FAT4: variants seen among roughly 807,000 people sequenced by gnomAD.
The protein encoded by FAT4 is protocadherin Fat 4.
FAT4 carries 84 observed loss-of-function variants against 303.9 expected under a neutral mutation model. The observed-to-expected ratio is 0.28, with a 90% confidence interval of 0.23 to 0.33. The LOEUF (loss-of-function observed/expected upper bound fraction) is 0.33, where lower values mean the gene tolerates loss of function less well. FAT4 is among the 10% of genes least tolerant of loss of function. FAT4 has a pLI of 1.00. For missense variants in FAT4, 6,005 were observed against 6,146.8 expected, an observed-to-expected ratio of 0.98 and a Z score of 0.77; for synonymous variants, 2,307 against 2,298.8, an observed-to-expected ratio of 1.00 and a Z score of -0.10.
intron 2 of FAT4, among the ~76,000 whole-genome samples, chr4:125,373,844 T>A (rs2125993525): frequency 6.6e-6 from 1 of 152,272 alleles, no homozygotes; most frequent in East Asian, 1.9e-4. Flanking sequence ...CCTTTAAAAA[T>A]TAATTGAGGG....
chr4:125,428,792 T>G (rs1725185677), intron 7 of FAT4, among the ~76,000 whole-genome samples: 1 of 152,218 alleles, frequency 6.6e-6, no homozygotes, highest in Non-Finnish European at 1.5e-5. Flanking sequence ...TTCTGACTTC[T>G]AATTCAAATA....
intron 7 of FAT4, among the ~76,000 whole-genome samples, chr4:125,419,727 C>T (rs563877148): frequency 5.7e-4 from 87 of 152,274 alleles, no homozygotes; most frequent in Non-Finnish European, 1.0e-3. Flanking sequence ...GAGCCAGAGT[C>T]GTGCACTGGC....
rs1002097320 is a variant in FAT4 at position 125,455,385 on chromosome 4, G to A, written c.11800+2575G>A. ...ATATACATTGCATACTTTTCTAAACGTGATAGTTGAAACTCTTAAAAATGC... is the reference window on the plus strand; with the variant it reads ...ATATACATTGCATACTTTTCTAAACATGATAGTTGAAACTCTTAAAAATGC... On this transcript the variant is annotated intron_variant, in intron 10 of 17. Transcript: ENST00000394329. 2.0e-5 allele frequency among the ~76,000 whole-genome samples: 3 copies of A among 151,986 alleles called. No individual in the cohort carries two copies. The East Asian group carries it at 5.8e-4, about 29-fold the overall frequency.
At chr4:125,454,865 CT>C (rs1726223841) in intron 10 of FAT4, among the ~76,000 whole-genome samples, 1 of 152,118 alleles carries the variant, frequency 6.6e-6, no homozygotes, top group South Asian at 2.1e-4. Flanking sequence ...ACGTGGTACA[CT>C]GTGCAGTATT....
chr4:125,396,192 T>G (rs1486164871), intron 2 of FAT4, among the ~76,000 whole-genome samples: 1 of 152,124 alleles, frequency 6.6e-6, no homozygotes, highest in Admixed American at 6.6e-5. Context: ...CACTGGACTT[T>G]CATTAACTCA....
At chr4:125,401,602 C>G (rs935095368) in intron 3 of FAT4, among the ~76,000 whole-genome samples, 9 of 151,852 alleles carry the variant, frequency 5.9e-5, no homozygotes, top group Non-Finnish European at 7.4e-5. Context: ...CACTGTAGAA[C>G]AAAGCCTGGG....
intron 16 of FAT4, 114 bp downstream of exon 16, chr4:125,481,852 C>G: frequency 2.4e-6 from 2 of 842,976 alleles, no homozygotes; most frequent in Non-Finnish European, 3.8e-6. Flanking sequence ...AGAGTTCCGA[C>G]TAATGCTGGG....
At chr4:125,401,891 G>T (rs1560800152) in intron 3 of FAT4, among the ~76,000 whole-genome samples, 2 of 151,612 alleles carry the variant, frequency 1.3e-5, no homozygotes, top group Non-Finnish European at 1.5e-5. Context: ...TTGTCTCTGT[G>T]GTTCATCCGG....
intron 2 of FAT4, among the ~76,000 whole-genome samples, chr4:125,392,934 T>G (rs1043231531): frequency 6.6e-6 from 1 of 152,170 alleles, no homozygotes; most frequent in East Asian, 1.9e-4. Context: ...GGCTTAACAT[T>G]GTTTTTCTTA....
intron 2 of FAT4, among the ~76,000 whole-genome samples, chr4:125,332,440 G>C (rs1043879398): frequency 1.3e-5 from 2 of 152,040 alleles, no homozygotes; most frequent in Admixed American, 1.3e-4. Context: ...TTTATGAATT[G>C]TGAAACTTTT....
At chr4:125,359,121 A>G (rs1178065298) in intron 2 of FAT4, among the ~76,000 whole-genome samples, 1 of 152,166 alleles carries the variant, frequency 6.6e-6, no homozygotes, top group Non-Finnish European at 1.5e-5. Context: ...AGAATTAGCC[A>G]GGTTCTAGTC....
At chr4:125,360,847 C>A (rs1469278770) in intron 2 of FAT4, among the ~76,000 whole-genome samples, 1 of 150,552 alleles carries the variant, frequency 6.6e-6, no homozygotes, top group African/African-American at 2.4e-5. Flanking sequence ...TATGGTCTTG[C>A]TTAATTTCAC....
rs201428638 is a variant in FAT4 at position 125,476,212 on chromosome 4, G to A, written c.12255G>A (p.Glu4085=). The change falls in exon 13 of 18, where the codon GAG becomes GAA. Residue 4085 remains glutamate, a synonymous_variant. Transcript: ENST00000394329. The part of the protein sequence containing the change: ...LTVDSCSENQ[E]PGYCTVSNVA... ...TGGACTCCTGTTCTGAGAACCAAGA[G>A]CCAGGATATTGTACTGTCAGTAATG... 1 of 1,603,602 alleles carries A rather than the reference G, an allele frequency of 6.2e-7. No individual in the cohort carries two copies. Among genetic ancestry groups the A allele is most frequent in the South Asian group, 1.1e-5 (1 of 89,900 alleles).
Position 125,427,466 on chromosome 4 carries a change from A to G in FAT4, c.7019-6779A>G, listed in dbSNP as rs1725121749. On this transcript the variant is annotated intron_variant, in intron 7 of 17. Transcript: ENST00000394329. The stretch of plus-strand genomic sequence containing the variant: ...ATATATCTAATTTATATAAGCATAT[A>G]TGTAGAACTAATTAGCAGCAATACA... Among the ~76,000 whole-genome samples the G allele has an allele frequency of 3.3e-5, 5 of 152,074 alleles. No homozygotes were observed. In the South Asian group the frequency reaches 1.0e-3, roughly 31 times the overall value.
At position 125,398,802 on chromosome 4, in the gene FAT4, G is replaced by A; in HGVS notation, c.5194G>A (p.Asp1732Asn). 1 of 1,612,970 alleles carries A rather than the reference G, an allele frequency of 6.2e-7. No homozygotes were observed. Among genetic ancestry groups the A allele is most frequent in the Non-Finnish European group, 8.5e-7 (1 of 1,179,282 alleles). The change falls in exon 3 of 18, where the codon GAT becomes AAT. Residue 1732 changes from aspartate (D) to asparagine (N), a missense_variant. Transcript: ENST00000394329. ...TTTGTAGGTAGAAATAACACTTCAG[G>A]ATATCAATGACAATCCACCAGTATT... ...QRAEVEITLQDINDNPPVFPT... is the reference protein window; with the variant it reads ...QRAEVEITLQNINDNPPVFPT...
chr4:125,452,732 C>A lies in FAT4; in HGVS notation c.11722C>A (p.Gln3908Lys), dbSNP rs1158526884. The A allele has an allele frequency of 1.9e-6, 3 of 1,614,134 alleles. No individual in the cohort carries two copies. Among genetic ancestry groups the A allele is most frequent in the Non-Finnish European group, 2.5e-6 (3 of 1,180,012 alleles). Reference protein sequence around the residue: ...ACERDINECLQSPCKNGAICQ... With the variant: ...ACERDINECLKSPCKNGAICQ... ...TGAGAGAGATATCAATGAGTGCCTG[C>A]AGAGTCCTTGCAAGAATGGTGCCAT... The change falls in exon 10 of 18, where the codon CAG (glutamine) becomes AAG (lysine). Residue 3908 changes from glutamine (Q) to lysine (K), a missense_variant. Coordinates refer to ENST00000394329, the MANE Select transcript of FAT4 (RefSeq NM_001291303.3).
At chr4:125,424,579 G>A (rs1001795285) in intron 7 of FAT4, among the ~76,000 whole-genome samples, 2 of 152,076 alleles carry the variant, frequency 1.3e-5, no homozygotes, top group Non-Finnish European at 2.9e-5. Flanking sequence ...ATACTTCTAT[G>A]GGCTTATTGA....
chr4:125,473,018 T>C (rs1001962993), intron 12 of FAT4, among the ~76,000 whole-genome samples: 6 of 152,172 alleles, frequency 3.9e-5, no homozygotes, highest in African/African-American at 1.4e-4. Flanking sequence ...GGAACATTTT[T>C]CTAATATATT....
At chr4:125,341,099 G>A (rs1431272909) in intron 2 of FAT4, among the ~76,000 whole-genome samples, 1 of 151,998 alleles carries the variant, frequency 6.6e-6, no homozygotes. Flanking sequence ...GAAGATGAGA[G>A]CAATAGTTTT....
Sources: gnomAD v4.1 joint callset for allele counts (sites outside exome capture counted in the v4.1 genomes callset) on GRCh38, gnomAD v4.1.1 for gene constraint, MANE v1.5 for transcripts, NCBI Gene and HGNC (gene_info 2026-07-23, HGNC 2026-07-21) for gene names.